ERICH3: variants seen among roughly 807,000 people sequenced by gnomAD.
The protein encoded by ERICH3 is glutamate rich 3.
Under a neutral mutation model 131.1 loss-of-function variants are expected in ERICH3, and 126 were observed. The observed-to-expected ratio is 0.96, with a 90% CI of 0.83 to 1.11. ERICH3 has a LOEUF of 1.11. Ranked by LOEUF, ERICH3 falls within the 50% of genes most tolerant of loss-of-function variation. ERICH3 has a pLI of 0.00. For missense variants in ERICH3, 2,050 were observed against 1,810.7 expected, an observed-to-expected ratio of 1.13 and a Z score of -2.40; for synonymous variants, 695 against 644.6, an observed-to-expected ratio of 1.08 and a Z score of -1.18.
intron 9 of ERICH3, among the ~76,000 whole-genome samples, chr1:74,609,482 G>GTAA (rs1196844355): frequency 3.3e-5 from 5 of 152,086 alleles, no homozygotes; most frequent in African/African-American, 1.2e-4. Flanking sequence ...GTTACAGAAG[G>GTAA]TAATAACCTT....
At position 74,571,766 on chromosome 1, in the gene ERICH3, TC is replaced by T; in HGVS notation, c.3943del (p.Glu1315LysfsTer57). The stretch of plus-strand genomic sequence containing the variant: ...TTCTCCTTCCATGTCCCCGTCCCCT[TC>T]CGAGTTCCTGTCCTGCATCGCTTCT... ...ETEAMQDRNS[E>X]GDGDMEGEGN... is the part of the protein sequence containing the mutation. On this transcript the variant is annotated frameshift_variant, in exon 14 of 15. Coordinates refer to ENST00000326665, the MANE Select transcript of ERICH3 (RefSeq NM_001002912.5). LOFTEE classifies it high-confidence loss of function. 1 of 1,614,072 alleles carries T rather than the reference TC, an allele frequency of 6.2e-7. No homozygotes were observed.
chr1:74,572,703 C>A lies in ERICH3; in HGVS notation c.3007G>T (p.Ala1003Ser). The change falls in exon 14 of 15, where the codon GCA becomes TCA. Residue 1003 changes from alanine (A) to serine (S), a missense_variant. Physicochemically the swap from Ala to Ser is moderately conservative, Grantham distance 99. Transcript: ENST00000326665. ...RLSPFTGEAE[A>S]SRMQVSEGSP... ...CCCTCCGAAACCTGCATCCGGCTTG[C>A]CTCTGCCTCTCCTGTGAAGGGGCTC... 3 of 1,613,992 alleles carry A rather than the reference C, an allele frequency of 1.9e-6. No homozygotes were observed. Among genetic ancestry groups the A allele is most frequent in the Non-Finnish European group, 2.5e-6 (3 of 1,180,008 alleles).
intron 1 of ERICH3, among the ~76,000 whole-genome samples, chr1:74,658,160 AG>A (rs1319398088): frequency 1.3e-5 from 2 of 152,176 alleles, no homozygotes; most frequent in Non-Finnish European, 2.9e-5. Flanking sequence ...GATTCAAACC[AG>A]GATTGTTCTG....
At chr1:74,637,828 T>C (rs915748959) in intron 5 of ERICH3, among the ~76,000 whole-genome samples, 1 of 151,946 alleles carries the variant, frequency 6.6e-6, no homozygotes, top group African/African-American at 2.4e-5. Flanking sequence ...GGAGGTCACC[T>C]GAGCCCAGGC....
At chr1:74,670,262 T>C (rs1241224181) in intron 1 of ERICH3, among the ~76,000 whole-genome samples, 1 of 152,176 alleles carries the variant, frequency 6.6e-6, no homozygotes, top group Non-Finnish European at 1.5e-5. Context: ...CTCTATCAGA[T>C]GTTGGTCTGA....
In ERICH3 at chr1:74,590,031, A is replaced by C. The variant is rs989948152; in HGVS notation, c.1776T>G (p.Ser592Arg). The C allele has an allele frequency of 3.0e-5, 49 of 1,613,570 alleles. No individual in the cohort carries two copies. Among genetic ancestry groups the C allele is most frequent in the Non-Finnish European group, 4.0e-5 (47 of 1,179,830 alleles). The change falls in exon 12 of 15, where the codon AGT (serine) becomes AGG (arginine). Residue 592 changes from serine to arginine, a missense_variant. Transcript: ENST00000326665. Reference sequence around the variant, plus strand: ...CCACTGCAGATTCATCCTCACTGTCACTAGAATAAGGGTGACTTCTGGATG... The same window carrying C: ...CCACTGCAGATTCATCCTCACTGTCCCTAGAATAAGGGTGACTTCTGGATG... ...STSSRSHPYSSDSEDESAVGD... is the reference protein window; with the variant it reads ...STSSRSHPYSRDSEDESAVGD...
rs959061512 is a variant in ERICH3, at chr1:74,569,603, C to T, written c.*855G>A. 6.6e-6 allele frequency: 1 copy of T among 152,114 alleles called. No individual in the cohort carries two copies. Among genetic ancestry groups the T allele is most frequent in the South Asian group, 2.1e-4 (1 of 4,830 alleles). 9.4% of individuals were successfully genotyped at this position (152,114 alleles called of 1,614,324 possible). On this transcript the variant is annotated 3_prime_UTR_variant, in exon 15 of 15. Transcript: ENST00000326665. ...CATTTAATGACATCAACTAAAGAGT[C>T]TAGAATGTTGGCATAATGCTGATGT...
intron 12 of ERICH3, among the ~76,000 whole-genome samples, chr1:74,586,687 A>T (rs1250778002): frequency 1.3e-5 from 2 of 152,170 alleles, no homozygotes; most frequent in African/African-American, 4.8e-5. Context: ...AGTAAGAAAA[A>T]ATATAAATGT....
chr1:74,583,804 T>C (rs921831652), intron 12 of ERICH3, among the ~76,000 whole-genome samples: 13 of 152,214 alleles, frequency 8.5e-5, no homozygotes, highest in Admixed American at 8.5e-4. Context: ...TAATTTGGTA[T>C]ACGTTACATC....
At chr1:74,576,829 A>G (rs937650319) in intron 13 of ERICH3, 66 bp downstream of exon 13, 44 of 1,410,480 alleles carry the variant, frequency 3.1e-5, no homozygotes, top group Non-Finnish European at 4.3e-5. Flanking sequence ...GGGAAGTTTG[A>G]CCAGATTTAT....
intron 13 of ERICH3, among the ~76,000 whole-genome samples, chr1:74,575,209 G>A (rs1320864625): frequency 1.3e-5 from 2 of 152,150 alleles, no homozygotes; most frequent in Admixed American, 1.3e-4. Flanking sequence ...GTTATCGTTT[G>A]TTGCATTTCC....
intron 1 of ERICH3, among the ~76,000 whole-genome samples, chr1:74,659,819 G>A (rs1244754554): frequency 6.6e-6 from 1 of 152,146 alleles, no homozygotes; most frequent in Non-Finnish European, 1.5e-5. Flanking sequence ...CAAGTGTTGA[G>A]GGAAGAAGTA....
At chr1:74,584,063 C>T (rs553708271) in intron 12 of ERICH3, among the ~76,000 whole-genome samples, 2 of 152,300 alleles carry the variant, frequency 1.3e-5, no homozygotes, top group East Asian at 3.9e-4. Flanking sequence ...CCTGTGCTTT[C>T]ATCATTCTTT....
chr1:74,671,348 G>T (rs1646741420), intron 1 of ERICH3, among the ~76,000 whole-genome samples: 1 of 152,018 alleles, frequency 6.6e-6, no homozygotes, highest in African/African-American at 2.4e-5. Flanking sequence ...TCTTTGTTCT[G>T]CTTTTTGCCC....
At chr1:74,614,964 A>G (rs1648891899) in intron 8 of ERICH3, among the ~76,000 whole-genome samples, 1 of 152,180 alleles carries the variant, frequency 6.6e-6, no homozygotes, top group East Asian at 1.9e-4. Flanking sequence ...CTGCAGTATC[A>G]TGCTCCATAA....
At chr1:74,607,658 T>C (rs1437244038) in intron 9 of ERICH3, among the ~76,000 whole-genome samples, 1 of 151,940 alleles carries the variant, frequency 6.6e-6, no homozygotes, top group Non-Finnish European at 1.5e-5. Flanking sequence ...CAGTAATTTA[T>C]AGAGGTTATG....
At chr1:74,642,608 C>T (rs559817646) in intron 4 of ERICH3, among the ~76,000 whole-genome samples, 8 of 152,140 alleles carry the variant, frequency 5.3e-5, no homozygotes, top group Admixed American at 2.0e-4. Context: ...TCCTTTCCAC[C>T]GTATATTTCC....
rs1321221092 is a variant in ERICH3 at position 74,569,010 on chromosome 1, A to G, written c.*1448T>C. The G allele has an allele frequency of 6.6e-6, 1 of 152,188 alleles. No homozygotes were observed. Among genetic ancestry groups the G allele is most frequent in the East Asian group, 1.9e-4 (1 of 5,196 alleles). 9.4% of individuals were successfully genotyped at this position (152,188 alleles called of 1,614,324 possible). A position where few individuals can be genotyped will look rare whatever the true frequency, so the allele number is the denominator to read the frequency against. On this transcript the variant is annotated 3_prime_UTR_variant, in exon 15 of 15. Coordinates refer to ENST00000326665, the MANE Select transcript of ERICH3 (RefSeq NM_001002912.5). The stretch of plus-strand genomic sequence containing the variant: ...AAGGGACCAGTCTACTATCTGGTCC[A>G]GTGTATTTTTGATCATTGAATGGCT...
intron 4 of ERICH3, among the ~76,000 whole-genome samples, chr1:74,641,732 G>A (rs1646439466): frequency 6.6e-6 from 1 of 152,034 alleles, no homozygotes; most frequent in Non-Finnish European, 1.5e-5. Context: ...AAGGCATAAT[G>A]AGCTTTACTA....
Sources: gnomAD v4.1 joint callset for allele counts (sites outside exome capture counted in the v4.1 genomes callset) on GRCh38, gnomAD v4.1.1 for gene constraint, MANE v1.5 for transcripts, NCBI Gene and HGNC (gene_info 2026-07-23, HGNC 2026-07-21) for gene names.